The following ZNF678 variants were observed in gnomAD, a reference collection of about 807,000 sequenced individuals.
The protein encoded by ZNF678 is zinc finger protein 678.
A neutral mutation model predicts 3.0 loss-of-function variants in ZNF678; 5 were observed. The observed-to-expected ratio is 1.69, with a 90% CI of 0.88 to 3.56. ZNF678 has a LOEUF of 3.56. Among genes scored for constraint, ZNF678 ranks in the 30% most tolerant of loss-of-function variants. ZNF678 has a pLI of 0.00. For missense variants in ZNF678, 593 were observed against 605.0 expected, an observed-to-expected ratio of 0.98 and a Z score of 0.21; for synonymous variants, 218 against 199.6, an observed-to-expected ratio of 1.09 and a Z score of -0.78.
At chr1:227,650,168 T>C (rs1266982551) in intron 2 of ZNF678, among the ~76,000 whole-genome samples, 2 of 152,166 alleles carry the variant, frequency 1.3e-5, no homozygotes, top group African/African-American at 4.8e-5. Flanking sequence ...AAGTCTTTAT[T>C]TTGAGTTAAT....
At chr1:227,608,011 A>G (rs545561318) in intron 1 of ZNF678, among the ~76,000 whole-genome samples, 1 of 151,750 alleles carries the variant, frequency 6.6e-6, no homozygotes, top group African/African-American at 2.4e-5. Context: ...ATGAACAACA[A>G]TTATTGTGGT....
chr1:227,580,831 G>A, intron 1 of ZNF678, among the ~76,000 whole-genome samples: 1 of 151,958 alleles, frequency 6.6e-6, no homozygotes, highest in East Asian at 1.9e-4. Context: ...TTGGGAGGCT[G>A]AGGCAGGAGA....
At chr1:227,631,475 C>T (rs1307972499) in intron 1 of ZNF678, among the ~76,000 whole-genome samples, 2 of 152,196 alleles carry the variant, frequency 1.3e-5, no homozygotes, top group Admixed American at 6.5e-5. Context: ...CATCAAGGTG[C>T]ATTCCCATAA....
chr1:227,603,512 C>T (rs1413181800), intron 1 of ZNF678, among the ~76,000 whole-genome samples: 1 of 152,136 alleles, frequency 6.6e-6, no homozygotes, highest in Non-Finnish European at 1.5e-5. Context: ...GTGTATCTGG[C>T]CACCCCAGTG....
intron 1 of ZNF678, among the ~76,000 whole-genome samples, chr1:227,587,051 G>T (rs1290476055): frequency 2.0e-5 from 3 of 152,222 alleles, no homozygotes; most frequent in Admixed American, 1.3e-4. Flanking sequence ...TGGGTTGGGA[G>T]AAGCTAGGCC....
intron 2 of ZNF678, among the ~76,000 whole-genome samples, chr1:227,650,249 A>C (rs930355639): frequency 3.9e-5 from 6 of 152,214 alleles, no homozygotes; most frequent in African/African-American, 1.4e-4. Flanking sequence ...CCCAGCATCA[A>C]TTACTGAAGC....
At chr1:227,647,689 C>T (rs1420879994) in intron 2 of ZNF678, among the ~76,000 whole-genome samples, 1 of 152,200 alleles carries the variant, frequency 6.6e-6, no homozygotes, top group African/African-American at 2.4e-5. Context: ...TCTTCTGCCC[C>T]ATGCTCTTAA....
chr1:227,666,741 C>CTTT (rs1182440018), downstream of ZNF678, among the ~76,000 whole-genome samples: 111 of 115,124 alleles, frequency 9.6e-4, no homozygotes, highest in African/African-American at 3.3e-3. Flanking sequence ...TTCTTTCTTG[C>CTTT]TTTTTTTTTT....
At chr1:227,622,313 C>T (rs1464913875) in intron 1 of ZNF678, among the ~76,000 whole-genome samples, 2 of 152,352 alleles carry the variant, frequency 1.3e-5, no homozygotes, top group South Asian at 2.1e-4. Context: ...TTTGCATCCA[C>T]CTATGATTTG....
chr1:227,645,468 T>G (rs78508941), intron 1 of ZNF678, among the ~76,000 whole-genome samples: 1,647 of 152,330 alleles, frequency 0.011, 20 homozygotes, highest in East Asian at 0.045. Flanking sequence ...CTTATGATAG[T>G]CAGGGGGCTC....
intron 1 of ZNF678, among the ~76,000 whole-genome samples, chr1:227,595,354 C>T (rs759529982): frequency 1.3e-5 from 2 of 152,054 alleles, no homozygotes; most frequent in Non-Finnish European, 2.9e-5. Context: ...TGTAACCAAG[C>T]ATCTGTGTAA....
At chr1:227,599,934 G>A (rs1046780062) in intron 1 of ZNF678, among the ~76,000 whole-genome samples, 2 of 152,024 alleles carry the variant, frequency 1.3e-5, no homozygotes, top group Non-Finnish European at 2.9e-5. Flanking sequence ...AGCTTAGTAC[G>A]CATTAGTTAT....
At chr1:227,616,870 G>A (rs554916361) in intron 1 of ZNF678, among the ~76,000 whole-genome samples, 1 of 152,332 alleles carries the variant, frequency 6.6e-6, no homozygotes, top group South Asian at 2.1e-4. Context: ...AAGAGATAAA[G>A]TGGTTTTGCT....
intron 1 of ZNF678, among the ~76,000 whole-genome samples, chr1:227,597,895 G>A (rs1258990707): frequency 3.9e-5 from 6 of 152,166 alleles, no homozygotes; most frequent in Admixed American, 3.9e-4. Context: ...AGGATCAAAG[G>A]CACACTATTC....
intron 1 of ZNF678, among the ~76,000 whole-genome samples, chr1:227,630,692 A>T (rs1224758205): frequency 6.6e-6 from 1 of 152,106 alleles, no homozygotes; most frequent in African/African-American, 2.4e-5. Context: ...CTTGGAGGGG[A>T]CATAATCAGG....
intron 1 of ZNF678, among the ~76,000 whole-genome samples, chr1:227,566,293 C>T (rs1370178395): frequency 1.3e-5 from 2 of 152,216 alleles, no homozygotes; most frequent in Non-Finnish European, 2.9e-5. Flanking sequence ...ACCCCTTAGA[C>T]ATTCTCCCCC....
chr1:227,646,772 G>A, intron 2 of ZNF678, 102 bp downstream of exon 2: 3 of 1,072,360 alleles, frequency 2.8e-6, no homozygotes, highest in Non-Finnish European at 3.7e-6. Context: ...GCATGAATGA[G>A]TTTTTGATCT....
At chr1:227,632,259 G>A (rs1008480370) in intron 1 of ZNF678, among the ~76,000 whole-genome samples, 1 of 151,126 alleles carries the variant, frequency 6.6e-6, no homozygotes, top group Non-Finnish European at 1.5e-5. Flanking sequence ...TCCCTTTGAA[G>A]TTACAAATTG....
chr1:227,633,653 A>G (rs58808704), intron 1 of ZNF678, among the ~76,000 whole-genome samples: 1 of 152,204 alleles, frequency 6.6e-6, no homozygotes, highest in Non-Finnish European at 1.5e-5. Context: ...GCTGACACCC[A>G]CCCAGGGAGT....
Sources: gnomAD v4.1 joint callset for allele counts (sites outside exome capture counted in the v4.1 genomes callset) on GRCh38, gnomAD v4.1.1 for gene constraint, MANE v1.5 for transcripts, NCBI Gene and HGNC (gene_info 2026-07-23, HGNC 2026-07-21) for gene names.